Variants in PHACTR3 observed in about 807,000 individuals in gnomAD.
PHACTR3 encodes phosphatase and actin regulator 3, also known as protein phosphatase 1, regulatory subunit 123.
In PHACTR3, 16 loss-of-function variants were observed where a neutral mutation model predicts 66.8. The ratio of observed to expected loss-of-function variants is 0.24; its 90% CI spans 0.16 to 0.36. PHACTR3 has a LOEUF of 0.36. Among genes scored for constraint, PHACTR3 ranks in the 10% least tolerant of loss-of-function variants. The probability of loss-of-function intolerance (pLI) is 1.00; values close to 1 mark genes in which losing one functional copy is unlikely to be tolerated. For missense variants in PHACTR3, 647 were observed against 719.9 expected (o/e 0.90, Z 1.16); for synonymous variants, 323 against 292.1 (o/e 1.11, Z -1.08).
intron 1 of PHACTR3, among the ~76,000 whole-genome samples, chr20:59,703,692 TGTGTGTGTGTGA>T (rs1469482413): frequency 1.4e-5 from 2 of 147,518 alleles, no homozygotes; most frequent in South Asian, 2.1e-4. Context: ...TTCCTTGGGG[TGTGTGTGTGTGA>T]GTGTGTGTGT....
chr20:59,608,372 C>T (rs2033735415), intron 1 of PHACTR3, among the ~76,000 whole-genome samples: 2 of 152,224 alleles, frequency 1.3e-5, no homozygotes, highest in Non-Finnish European at 2.9e-5. Context: ...AATCCGCACT[C>T]TACACCCGTG....
chr20:59,604,502 C>G (rs1568927777), upstream of PHACTR3: 5 of 527,896 alleles, frequency 9.5e-6, no homozygotes, highest in African/African-American at 2.1e-5. Flanking sequence ...ATGGGAGAAT[C>G]CTAATGTTTT....
chr20:59,797,245 T>C (rs544372599), intron 7 of PHACTR3, among the ~76,000 whole-genome samples: 23 of 152,318 alleles, frequency 1.5e-4, no homozygotes, highest in African/African-American at 5.3e-4. Context: ...CCTGATTTCA[T>C]TGAATTTTCT....
At chr20:59,690,141 C>T (rs1445461404) in intron 1 of PHACTR3, among the ~76,000 whole-genome samples, 1 of 152,226 alleles carries the variant, frequency 6.6e-6, no homozygotes, top group South Asian at 2.1e-4. Flanking sequence ...ACCAAGCCCC[C>T]TCCTGCACCT....
chr20:59,818,262 G>A (rs1157954808), intron 8 of PHACTR3, among the ~76,000 whole-genome samples: 1 of 152,126 alleles, frequency 6.6e-6, no homozygotes, highest in Non-Finnish European at 1.5e-5. Context: ...TTCCTCCTCT[G>A]TAAAAGGGAT....
In PHACTR3 at chr20:59,581,680, G is replaced by A. The variant is rs188352444; in HGVS notation, c.109+4063G>A. 7.6e-4 allele frequency among the ~76,000 whole-genome samples: 116 copies of A among 152,298 alleles called. No individual in the cohort carries two copies. The Middle Eastern group carries it at 0.017, about 22-fold the overall frequency. On this transcript the variant is annotated intron_variant, in intron 1 of 12. Transcript: ENST00000359926. The stretch of plus-strand genomic sequence containing the variant: ...GCAGATCACGAGGTCAGGAGATCGA[G>A]ACCATCCTGGCTAACACGGTGAAAT...
intron 1 of PHACTR3, among the ~76,000 whole-genome samples, chr20:59,723,730 C>T (rs6070928): frequency 0.07 from 10,580 of 151,740 alleles, 583 homozygotes; most frequent in Non-Finnish European, 0.11. Flanking sequence ...GGTCATATGG[C>T]GACTCGGTCT....
chr20:59,797,959 C>T (rs1318080136), intron 7 of PHACTR3, among the ~76,000 whole-genome samples: 1 of 151,856 alleles, frequency 6.6e-6, no homozygotes, highest in African/African-American at 2.4e-5. Context: ...TCTAGTTTTA[C>T]TTTGTCAGAG....
chr20:59,622,397 G>A (rs2034274773), intron 1 of PHACTR3, among the ~76,000 whole-genome samples: 1 of 152,082 alleles, frequency 6.6e-6, no homozygotes, highest in African/African-American at 2.4e-5. Flanking sequence ...TCCTGGGGTG[G>A]GTATGAGTTC....
intron 1 of PHACTR3, among the ~76,000 whole-genome samples, chr20:59,675,100 T>G (rs1470795877): frequency 1.2e-5 from 1 of 82,830 alleles, no homozygotes; most frequent in Admixed American, 1.2e-4. Context: ...TTCTTTTCCC[T>G]CTTCCCTTCC....
intron 1 of PHACTR3, among the ~76,000 whole-genome samples, chr20:59,622,981 C>CAAAAAA (rs71183177): frequency 0.013 from 409 of 32,210 alleles, 60 homozygotes; most frequent in African/African-American, 0.048. Context: ...CAGCTTTAAC[C>CAAAAAA]AAAAAAAAAA....
At chr20:59,612,897 G>A (rs1054232005) in intron 1 of PHACTR3, among the ~76,000 whole-genome samples, 3 of 152,196 alleles carry the variant, frequency 2.0e-5, no homozygotes, top group Non-Finnish European at 4.4e-5. Flanking sequence ...ATGGCAGAAG[G>A]CAAAGGGGGA....
chr20:59,782,098 G>A (rs2040745202), intron 7 of PHACTR3, among the ~76,000 whole-genome samples: 1 of 152,140 alleles, frequency 6.6e-6, no homozygotes, highest in Admixed American at 6.5e-5. Flanking sequence ...AAAAGCTGAT[G>A]TTCACCATAA....
intron 11 of PHACTR3, among the ~76,000 whole-genome samples, chr20:59,841,851 C>T (rs2059068988): frequency 6.6e-6 from 1 of 152,040 alleles, no homozygotes; most frequent in Non-Finnish European, 1.5e-5. Context: ...ACAGCCCCCA[C>T]AACAAAGGAT....
At chr20:59,839,083 G>T (rs962015069) in intron 9 of PHACTR3, among the ~76,000 whole-genome samples, 2 of 151,638 alleles carry the variant, frequency 1.3e-5, no homozygotes, top group African/African-American at 4.8e-5. Flanking sequence ...TTTTCACATG[G>T]AAGCTGCACT....
At chr20:59,769,439 AGAATTTTCCGG>A (rs2040292189) in intron 5 of PHACTR3, among the ~76,000 whole-genome samples, 1 of 152,270 alleles carries the variant, frequency 6.6e-6, no homozygotes, top group Admixed American at 6.5e-5. Context: ...CAGAACGCCA[AGAATTTTCCGG>A]GGGAGAGGCC....
intron 8 of PHACTR3, among the ~76,000 whole-genome samples, chr20:59,834,798 G>T (rs2042479537): frequency 6.6e-6 from 1 of 152,202 alleles, no homozygotes; most frequent in Non-Finnish European, 1.5e-5. Context: ...TCTCTCAGAT[G>T]ATTTTGTTCA....
intron 1 of PHACTR3, among the ~76,000 whole-genome samples, chr20:59,672,597 G>A (rs2036231678): frequency 6.6e-6 from 1 of 152,204 alleles, no homozygotes; most frequent in Admixed American, 6.5e-5. Flanking sequence ...CTCTAAGGAT[G>A]TGAGGATTAA....
intron 1 of PHACTR3, among the ~76,000 whole-genome samples, chr20:59,697,797 T>C (rs916256583): frequency 6.6e-6 from 1 of 152,214 alleles, no homozygotes; most frequent in African/African-American, 2.4e-5. Flanking sequence ...AATCCAAGAA[T>C]GAACTAATGC....
Sources: allele counts gnomAD v4.1 joint callset (sites outside exome capture counted in the v4.1 genomes callset), GRCh38; gene constraint gnomAD v4.1.1; transcripts MANE v1.5; gene names NCBI Gene and HGNC (gene_info 2026-07-23, HGNC 2026-07-21).